MAP2K1: variants seen among roughly 807,000 people sequenced by gnomAD.
MAP2K1 encodes the protein dual specificity mitogen-activated protein kinase kinase 1.
Under a neutral mutation model 46.3 loss-of-function variants are expected in MAP2K1, and 16 were observed. That is an observed-to-expected ratio of 0.35 (90% CI 0.23 to 0.52). The LOEUF (loss-of-function observed/expected upper bound fraction) is 0.52. MAP2K1 is among the 20% of genes least tolerant of loss of function. The pLI is 0.94. For missense variants in MAP2K1, 263 were observed against 497.1 expected (o/e 0.53, Z 4.48); for synonymous variants, 183 against 185.6 (o/e 0.99, Z 0.11).
Position 66,437,416 on chromosome 15 carries a change from CT to C in MAP2K1, c.438+526del, listed in dbSNP as rs990611060. On this transcript the variant is annotated intron_variant, in intron 3 of 10. Coordinates refer to ENST00000307102, the MANE Select transcript of MAP2K1 (RefSeq NM_002755.4). Reference sequence around the variant, plus strand: ...CTGCCAATCATTTTACCACTATGTTCTTGGAGTCCCTCCTTTTCTTCAGATA... The same window carrying C: ...CTGCCAATCATTTTACCACTATGTTCTGGAGTCCCTCCTTTTCTTCAGATA... Among the ~76,000 whole-genome samples the C allele has an allele frequency of 9.9e-5, 15 of 152,190 alleles. 1 individual carries two copies. The highest frequency in any genetic ancestry group is 7.2e-4 in the Admixed American group (11 of 15,280).
At chr15:66,392,743 G>A (rs1040415204) in intron 1 of MAP2K1, among the ~76,000 whole-genome samples, 3 of 151,764 alleles carry the variant, frequency 2.0e-5, no homozygotes, top group Non-Finnish European at 4.4e-5. Flanking sequence ...AGTAGAGACA[G>A]GGTTTCACCA....
chr15:66,403,136 G>A (rs2093386439), intron 1 of MAP2K1, among the ~76,000 whole-genome samples: 1 of 152,176 alleles, frequency 6.6e-6, no homozygotes, highest in Non-Finnish European at 1.5e-5. Flanking sequence ...AGTGGAAGGA[G>A]GTGGTTGAGC....
At chr15:66,420,958 CAT>C (rs375983113) in intron 1 of MAP2K1, among the ~76,000 whole-genome samples, 42,154 of 97,218 alleles carry the variant, frequency 0.43, 7,743 homozygotes, top group South Asian at 0.58. Flanking sequence ...CATACACATA[CAT>C]ATATACACAC....
chr15:66,434,853 G>T (rs1366147528), intron 1 of MAP2K1, among the ~76,000 whole-genome samples, 174 bp from the exon 2 acceptor site: 3 of 152,134 alleles, frequency 2.0e-5, no homozygotes, highest in African/African-American at 4.8e-5. Flanking sequence ...TAGTCATCCC[G>T]GGTGGCTGGA....
intron 1 of MAP2K1, among the ~76,000 whole-genome samples, chr15:66,408,535 C>G (rs1189963904): frequency 6.6e-6 from 1 of 151,090 alleles, no homozygotes; most frequent in African/African-American, 2.4e-5. Context: ...TGTATGTGTG[C>G]GTGTGTGTGG....
chr15:66,405,761 G>A (rs752595955), intron 1 of MAP2K1, among the ~76,000 whole-genome samples: 3 of 152,196 alleles, frequency 2.0e-5, no homozygotes, highest in Non-Finnish European at 4.4e-5. Context: ...CAAAGGGCAT[G>A]TCCGGATTAG....
chr15:66,482,472 C>T (rs547315188), intron 6 of MAP2K1, among the ~76,000 whole-genome samples: 21 of 152,194 alleles, frequency 1.4e-4, no homozygotes, highest in Non-Finnish European at 2.2e-4. Context: ...CTGGACCCCT[C>T]GCCAGAGTCT....
intron 5 of MAP2K1, among the ~76,000 whole-genome samples, chr15:66,459,091 G>T (rs529080741): frequency 6.6e-6 from 1 of 151,964 alleles, no homozygotes; most frequent in South Asian, 2.1e-4. Flanking sequence ...GAGGAGGGCG[G>T]ATCATGAGGT....
chr15:66,409,870 C>T (rs759711394), intron 1 of MAP2K1, among the ~76,000 whole-genome samples: 2 of 152,158 alleles, frequency 1.3e-5, no homozygotes, highest in Non-Finnish European at 2.9e-5. Flanking sequence ...GAATTTTTTT[C>T]TGTATATTTT....
At chr15:66,480,967 T>C (rs529023225) in intron 5 of MAP2K1, among the ~76,000 whole-genome samples, 1 of 152,206 alleles carries the variant, frequency 6.6e-6, no homozygotes, top group East Asian at 1.9e-4. Flanking sequence ...TGTTTGGAAA[T>C]TTAGGTCTCT....
chr15:66,476,127 C>T (rs1217613405), intron 5 of MAP2K1, among the ~76,000 whole-genome samples: 1 of 152,166 alleles, frequency 6.6e-6, no homozygotes, highest in African/African-American at 2.4e-5. Context: ...GTCACAGAAG[C>T]TGAGCAGAAT....
At chr15:66,462,666 T>C (rs546524910) in intron 5 of MAP2K1, among the ~76,000 whole-genome samples, 1 of 151,594 alleles carries the variant, frequency 6.6e-6, no homozygotes, top group South Asian at 2.1e-4. Flanking sequence ...ACATACATGA[T>C]AAAAAACCTC....
chr15:66,487,368 G>C lies in MAP2K1; in HGVS notation c.960+76G>C. ...GAAAACACCCAGGTGGCCGGGTGCA[G>C]TGGTTCACGCCTGTAATCCCAGCAG... On this transcript the variant is annotated intron_variant, in intron 8 of 10. Coordinates refer to ENST00000307102, the MANE Select transcript of MAP2K1 (RefSeq NM_002755.4). 3.7e-6 allele frequency: 5 copies of C among 1,361,020 alleles called. No homozygotes were observed. In the South Asian group the frequency reaches 5.8e-5, roughly 16 times the overall value. 84.3% of individuals were successfully genotyped at this position (1,361,020 alleles called of 1,614,324 possible). A position where few individuals can be genotyped will look rare whatever the true frequency, so the allele number is the denominator to read the frequency against.
chr15:66,388,347 GA>G (rs1428194340), intron 1 of MAP2K1, among the ~76,000 whole-genome samples: 3 of 152,200 alleles, frequency 2.0e-5, no homozygotes, highest in African/African-American at 7.2e-5. Flanking sequence ...GAAATAGCCA[GA>G]AAAGATTAGG....
intron 1 of MAP2K1, among the ~76,000 whole-genome samples, chr15:66,420,721 ATG>A (rs1166822915): frequency 0.21 from 6,303 of 29,602 alleles, 1,550 homozygotes; most frequent in Non-Finnish European, 0.24. Context: ...ATATATATAT[ATG>A]TGTGTGTGTG....
chr15:66,430,189 C>T (rs958959609), intron 1 of MAP2K1, among the ~76,000 whole-genome samples: 5 of 152,164 alleles, frequency 3.3e-5, no homozygotes, highest in African/African-American at 1.2e-4. Flanking sequence ...TCTTTTGCCT[C>T]TCCTTTCCTC....
At chr15:66,449,961 C>T (rs1891993183) in intron 5 of MAP2K1, among the ~76,000 whole-genome samples, 1 of 146,586 alleles carries the variant, frequency 6.8e-6, no homozygotes, top group East Asian at 2.0e-4. Context: ...GGCTTCATCC[C>T]TGGGATGCAA....
chr15:66,490,389 C>T lies in MAP2K1; in HGVS notation c.1069-113C>T, dbSNP rs41315966. 1,375 of 838,584 alleles carry T rather than the reference C, an allele frequency of 1.6e-3. 3 individuals are homozygous for T. Among genetic ancestry groups the T allele is most frequent in the Non-Finnish European group, 2.0e-3 (953 of 482,810 alleles). The allele number at this position is 838,584 out of a possible 1,614,324, so 51.9% of individuals were successfully genotyped here. ...TGCTCAGGGGCAGGTGCCAGGTGCT[C>T]TTTCCAAGTGCAGCACAAGCTCTAG... On this transcript the variant is annotated intron_variant, in intron 10 of 10. Coordinates refer to ENST00000307102, the MANE Select transcript of MAP2K1 (RefSeq NM_002755.4).
At chr15:66,468,014 C>T (rs1374537662) in intron 5 of MAP2K1, among the ~76,000 whole-genome samples, 2 of 152,184 alleles carry the variant, frequency 1.3e-5, no homozygotes, top group African/African-American at 4.8e-5. Context: ...ATTCTTAAGG[C>T]ATTTCTAATA....
Sources: gnomAD v4.1 joint callset for allele counts (sites outside exome capture counted in the v4.1 genomes callset) on GRCh38, gnomAD v4.1.1 for gene constraint, MANE v1.5 for transcripts, NCBI Gene and HGNC (gene_info 2026-07-23, HGNC 2026-07-21) for gene names.